Variants in SNX31 observed in about 807,000 individuals in gnomAD.
The protein encoded by SNX31 is sorting nexin-31.
A neutral mutation model predicts 65.4 loss-of-function variants in SNX31; 58 were observed. The ratio of observed to expected loss-of-function variants is 0.89; its 90% CI spans 0.72 to 1.10. The LOEUF (loss-of-function observed/expected upper bound fraction) is 1.10. Among genes scored for constraint, SNX31 ranks in the 50% least tolerant of loss-of-function variants. The probability of loss-of-function intolerance (pLI) is 0.00; values close to 1 mark genes in which losing one functional copy is unlikely to be tolerated. For synonymous variants in SNX31, 181 were observed against 190.1 expected, an observed-to-expected ratio of 0.95 and a Z score of 0.39; for missense variants, 523 against 529.7, an observed-to-expected ratio of 0.99 and a Z score of 0.12.
chr8:100,636,807 C>T (rs893243130), intron 2 of SNX31, among the ~76,000 whole-genome samples: 4 of 152,088 alleles, frequency 2.6e-5, no homozygotes, highest in African/African-American at 7.2e-5. Flanking sequence ...CTGCAACCTC[C>T]GCCTCCTGGG....
chr8:100,630,124 CT>C lies in SNX31; in HGVS notation c.321+202del, dbSNP rs1322668950. 6.6e-6 allele frequency among the ~76,000 whole-genome samples: 1 copy of C among 152,210 alleles called. No individual in the cohort carries two copies. Among genetic ancestry groups the C allele is most frequent in the Non-Finnish European group, 1.5e-5 (1 of 68,042 alleles). The stretch of plus-strand genomic sequence containing the variant: ...AATGAGCCAAAGGTCAAGTGACACA[CT>C]TCATTTTCCATCTAAAATCTAAACC... On this transcript the variant is annotated intron_variant, in intron 4 of 13. Transcript: ENST00000311812. The surrounding 1 kb of genome is among the most constrained non-coding windows in gnomAD (Gnocchi z 5.3).
chr8:100,623,972 G>A (rs6994109), intron 4 of SNX31, among the ~76,000 whole-genome samples: 1 of 143,590 alleles, frequency 7.0e-6, no homozygotes, highest in African/African-American at 2.5e-5. Flanking sequence ...TTTTTTTTCT[G>A]TTAAGTGATT....
At chr8:100,601,678 AG>A (rs1157609515) in intron 8 of SNX31, among the ~76,000 whole-genome samples, 1 of 152,318 alleles carries the variant, frequency 6.6e-6, no homozygotes, top group Admixed American at 6.5e-5. Flanking sequence ...TGGTCAGCCT[AG>A]GGTAACCATC....
At position 100,629,287 on chromosome 8, in the gene SNX31, A is replaced by G. The variant is rs1484555396; in HGVS notation, c.321+1040T>C. ...GTTGTCACTGAGGAGGGGGATCATA[A>G]GGGAAGAAAAGTTACTTTTCATTGT... On this transcript the variant is annotated intron_variant, in intron 4 of 13. Coordinates refer to ENST00000311812, the MANE Select transcript of SNX31 (RefSeq NM_152628.4). This position sits in a 1 kb window ranked among gnomAD's most constrained non-coding sequence, Gnocchi z 5.1. 6.6e-6 allele frequency among the ~76,000 whole-genome samples: 1 copy of G among 152,216 alleles called. No homozygotes were observed. The highest frequency in any genetic ancestry group is 1.5e-5 in the Non-Finnish European group (1 of 68,040).
chr8:100,661,257 C>T (rs931701987), intron 1 of SNX31, among the ~76,000 whole-genome samples: 3 of 152,100 alleles, frequency 2.0e-5, no homozygotes, highest in Non-Finnish European at 2.9e-5. Context: ...CTGCCCGCCT[C>T]GGCCTCCCAA....
chr8:100,623,202 A>C (rs1002687130), intron 4 of SNX31, among the ~76,000 whole-genome samples: 1 of 152,230 alleles, frequency 6.6e-6, no homozygotes, highest in Admixed American at 6.5e-5. Context: ...CATGTCTTAC[A>C]TGGCTGGAGC....
Position 100,606,037 on chromosome 8 carries a change from A to G in SNX31, c.681+2457T>C, listed in dbSNP as rs183823929. Among the ~76,000 whole-genome samples, 164 of 151,702 alleles carry G rather than the reference A, an allele frequency of 1.1e-3. 1 individual carries two copies. Among genetic ancestry groups the G allele is most frequent in the South Asian group, 6.2e-3 (30 of 4,824 alleles). On this transcript the variant is annotated intron_variant, in intron 8 of 13. Transcript: ENST00000311812. Reference sequence around the variant, plus strand: ...CTAACTCATATCAAGTACACTGAACATGATTTTTTTTTTTTTGAGACAGGT... The same window carrying G: ...CTAACTCATATCAAGTACACTGAACGTGATTTTTTTTTTTTTGAGACAGGT...
chr8:100,608,329 AC>A (rs11418392), intron 8 of SNX31, among the ~76,000 whole-genome samples, 164 bp downstream of exon 8: 1 of 151,756 alleles, frequency 6.6e-6, no homozygotes, highest in East Asian at 1.9e-4. Context: ...CTTCTTCTCC[AC>A]CCCCCACAGC....
intron 11 of SNX31, among the ~76,000 whole-genome samples, chr8:100,585,330 A>G (rs544051656): frequency 3.9e-5 from 6 of 152,192 alleles, no homozygotes; most frequent in African/African-American, 1.2e-4. Context: ...ATCAAAGTTG[A>G]GGCTAGAAGA....
intron 1 of SNX31, among the ~76,000 whole-genome samples, chr8:100,657,217 C>T (rs1480711690): frequency 6.6e-6 from 1 of 152,092 alleles, no homozygotes; most frequent in Non-Finnish European, 1.5e-5. Context: ...CTTTGGGAGG[C>T]CGAGGCAGGC....
chr8:100,579,844 T>C (rs1390569491), intron 12 of SNX31, among the ~76,000 whole-genome samples: 1 of 152,080 alleles, frequency 6.6e-6, no homozygotes, highest in Non-Finnish European at 1.5e-5. Flanking sequence ...ATATACAAAC[T>C]AGGTATAGAT....
At chr8:100,657,938 G>C in intron 1 of SNX31, 1 of 362,938 alleles carries the variant, frequency 2.8e-6, no homozygotes, top group Non-Finnish European at 5.4e-6. Context: ...AAAAAAATTG[G>C]TCACCACCTG....
At chr8:100,607,072 A>G (rs150345301) in intron 8 of SNX31, among the ~76,000 whole-genome samples, 50 of 152,354 alleles carry the variant, frequency 3.3e-4, no homozygotes, top group African/African-American at 1.2e-3. Context: ...GGCAGATGGT[A>G]GAAATGCTAC....
At chr8:100,618,021 C>T (rs1458768105) in intron 4 of SNX31, 1 of 938,762 alleles carries the variant, frequency 1.1e-6, no homozygotes, top group African/African-American at 1.8e-5. Context: ...CCTCCTTGGC[C>T]TCCCAAAGTG....
intron 12 of SNX31, among the ~76,000 whole-genome samples, chr8:100,580,792 T>C (rs927157967): frequency 1.3e-5 from 2 of 152,192 alleles, no homozygotes; most frequent in Admixed American, 1.3e-4. Flanking sequence ...CTTCATTGTG[T>C]CTAAGACACT....
chr8:100,577,045 T>C lies in SNX31; in HGVS notation c.1201A>G (p.Lys401Glu), dbSNP rs983545161. The change falls in exon 13 of 14, where the codon AAA becomes GAA. Residue 401 changes from lysine to glutamate, a missense_variant. Lys to Glu is a moderately conservative substitution (Grantham distance 56). Transcript: ENST00000311812. Reference protein sequence around the residue: ...QIEVPEQSKSKKYHIQQSQQK... With the variant: ...QIEVPEQSKSEKYHIQQSQQK... Reference sequence around the variant, plus strand: ...TGGCTTTGTTGAATGTGGTATTTTTTACTTTTGCTTTGTTCCGGAACTTCA... The same window carrying C: ...TGGCTTTGTTGAATGTGGTATTTTTCACTTTTGCTTTGTTCCGGAACTTCA... 5.6e-6 allele frequency: 9 copies of C among 1,613,766 alleles called. No individual in the cohort carries two copies. In the African/African-American group the frequency reaches 1.1e-4, roughly 19 times the overall value.
chr8:100,582,690 T>C (rs1563512357), intron 12 of SNX31: 2 of 152,052 alleles, frequency 1.3e-5, no homozygotes, highest in Non-Finnish European at 2.9e-5. Context: ...ATTAGAAAAG[T>C]TTCCTGGCCG....
chr8:100,638,398 A>C (rs1163189959), intron 2 of SNX31, among the ~76,000 whole-genome samples: 21 of 152,240 alleles, frequency 1.4e-4, no homozygotes, highest in Admixed American at 1.4e-3. Context: ...GAAATATTGT[A>C]ATTTGCTACT....
intron 10 of SNX31, among the ~76,000 whole-genome samples, chr8:100,595,074 T>C (rs1027053351): frequency 2.6e-5 from 4 of 152,224 alleles, no homozygotes. Flanking sequence ...TAGAATGTTC[T>C]ACCCAAAATG....
Sources: gnomAD v4.1 joint callset for allele counts (sites outside exome capture counted in the v4.1 genomes callset) on GRCh38, gnomAD v4.1.1 for gene constraint, Gnocchi (gnomAD v3.1) non-coding constraint, MANE v1.5 for transcripts, NCBI Gene and HGNC (gene_info 2026-07-23, HGNC 2026-07-21) for gene names.